MAK: variants seen among roughly 807,000 people sequenced by gnomAD.
MAK encodes male germ cell associated kinase, also known as serine/threonine-protein kinase MAK.
A neutral mutation model predicts 82.6 loss-of-function variants in MAK; 65 were observed. The observed-to-expected ratio is 0.79, with a 90% CI of 0.64 to 0.97. The LOEUF (loss-of-function observed/expected upper bound fraction) is 0.97. MAK is among the 50% of genes least tolerant of loss of function. The pLI, the probability that MAK is intolerant of heterozygous loss-of-function variation, is 0.00. For synonymous variants in MAK, 250 were observed against 274.2 expected (o/e 0.91, Z 0.87); for missense variants, 703 against 780.2 (o/e 0.90, Z 1.18).
At chr6:10,769,979 C>CA (rs966581271) in intron 14 of MAK, 132 bp downstream of exon 14, 1 of 1,543,300 alleles carries the variant, frequency 6.5e-7, no homozygotes, top group Non-Finnish European at 8.8e-7. Context: ...TCGGTAAAAA[C>CA]AAAAAGAAAT....
In MAK at chr6:10,764,557, A is replaced by G. The variant is rs1374242201; in HGVS notation, c.1842T>C (p.Thr614=). Residue 614 remains threonine (T), a synonymous_variant, in exon 15 of 15, where the codon ACT becomes ACC. Coordinates refer to ENST00000354489, the MANE Select transcript of MAK (RefSeq NM_001242957.3). The part of the protein sequence containing the change: ...KTGRGQFSGR[T]YNPTAKNLNI... ...TTAGGTTTTTTGCTGTAGGATTATAAGTACGTCCTGAAAACTGCCCCCGAC... is the reference window on the plus strand; with the variant it reads ...TTAGGTTTTTTGCTGTAGGATTATAGGTACGTCCTGAAAACTGCCCCCGAC... The G allele has an allele frequency of 1.2e-6, 2 of 1,614,090 alleles. No homozygotes were observed.
rs1772186526 is a variant in MAK, at chr6:10,764,241, C to T, written c.*211G>A. The T allele has an allele frequency of 1.8e-6, 1 of 569,030 alleles. No individual in the cohort carries two copies. The highest frequency in any genetic ancestry group is 3.1e-6 in the Non-Finnish European group (1 of 320,766). The allele number at this position is 569,030 out of a possible 1,614,324, so 35.2% of individuals were successfully genotyped here. On this transcript the variant is annotated 3_prime_UTR_variant, in exon 15 of 15. Transcript: ENST00000354489. ...TTATTCAATACTTTGTAACATCCTACCCATATATCAACACTGTGGGCAATG... is the reference window on the plus strand; with the variant it reads ...TTATTCAATACTTTGTAACATCCTATCCATATATCAACACTGTGGGCAATG...
chr6:10,769,970 C>A, intron 14 of MAK, 141 bp downstream of exon 14: 1 of 1,489,130 alleles, frequency 6.7e-7, no homozygotes, highest in Non-Finnish European at 9.1e-7. Flanking sequence ...TAGGACATTT[C>A]GGTAAAAACA....
chr6:10,789,518 TA>T (rs1774895699), intron 10 of MAK, among the ~76,000 whole-genome samples: 1 of 152,190 alleles, frequency 6.6e-6, no homozygotes, highest in Non-Finnish European at 1.5e-5. Flanking sequence ...CATCTTTTCC[TA>T]TATGTATGTG....
intron 2 of MAK, among the ~76,000 whole-genome samples, chr6:10,822,153 A>C (rs977408108): frequency 4.0e-5 from 6 of 149,000 alleles, no homozygotes; most frequent in Non-Finnish European, 8.9e-5. Flanking sequence ...TCTCAAAAAA[A>C]AAAAAAAAAA....
At chr6:10,791,904 C>G in intron 9 of MAK, 57 bp from the exon 10 acceptor site, 1 of 1,556,258 alleles carries the variant, frequency 6.4e-7, no homozygotes, top group East Asian at 2.2e-5. Flanking sequence ...GCCTTTCATG[C>G]ACAAGCTACT....
At chr6:10,827,416 C>CT (rs1186963255) in intron 2 of MAK, among the ~76,000 whole-genome samples, 1 of 152,074 alleles carries the variant, frequency 6.6e-6, no homozygotes, top group Non-Finnish European at 1.5e-5. Context: ...CAAATGTGGG[C>CT]TATTTCAGCT....
chr6:10,797,069 T>C (rs551194289), intron 8 of MAK, among the ~76,000 whole-genome samples: 1 of 152,242 alleles, frequency 6.6e-6, no homozygotes, highest in Non-Finnish European at 1.5e-5. Context: ...ACCAGAGCTG[T>C]ATGTAAAATT....
At chr6:10,792,693 A>G (rs1218151211) in intron 9 of MAK, among the ~76,000 whole-genome samples, 3 of 152,168 alleles carry the variant, frequency 2.0e-5, no homozygotes, top group Non-Finnish European at 4.4e-5. Flanking sequence ...GAGCATGGAA[A>G]ATTTTCAGAA....
chr6:10,771,058 G>A (rs1772971432), intron 13 of MAK, among the ~76,000 whole-genome samples: 2 of 152,098 alleles, frequency 1.3e-5, no homozygotes, highest in Admixed American at 6.5e-5. Flanking sequence ...CAGGATTGGG[G>A]GAAAGACATG....
intron 2 of MAK, among the ~76,000 whole-genome samples, chr6:10,826,033 A>C (rs1391115679): frequency 6.6e-6 from 1 of 151,956 alleles, no homozygotes; most frequent in African/African-American, 2.4e-5. Context: ...ATCCTTCATG[A>C]CCTTCTAGTC....
chr6:10,825,502 G>A (rs967326045), intron 2 of MAK, among the ~76,000 whole-genome samples: 2 of 151,762 alleles, frequency 1.3e-5, no homozygotes, highest in African/African-American at 4.8e-5. Context: ...TCCCTCTAAA[G>A]AGTTTCAATT....
chr6:10,813,134 AAATTT>A (rs1777174333), intron 5 of MAK, among the ~76,000 whole-genome samples: 11 of 724 alleles, frequency 0.015, no homozygotes, highest in African/African-American at 0.027. Flanking sequence ...ATATATATAT[AAATTT>A]TTTTTTTTTT....
In MAK at chr6:10,775,322, C is replaced by T. The variant is rs764077560; in HGVS notation, c.1597+6G>A. ...CGTACATGTACATTTTGTATTCTTG[C>T]GTTACCTGCATTGCTCCTTTTGAAA... is the stretch of plus-strand genomic sequence containing the variant. On this transcript the variant is annotated splice_donor_region_variant and intron_variant, in intron 12 of 14. Transcript: ENST00000354489. 1.5e-5 allele frequency: 24 copies of T among 1,612,266 alleles called. No homozygotes were observed. The highest frequency in any genetic ancestry group is 1.6e-4 in the Middle Eastern group (1 of 6,078).
chr6:10,819,447 T>G (rs781426019), intron 2 of MAK, among the ~76,000 whole-genome samples: 1 of 151,522 alleles, frequency 6.6e-6, no homozygotes, highest in African/African-American at 2.4e-5. Context: ...CTGGCTAACA[T>G]GGTGAAACCC....
intron 2 of MAK, among the ~76,000 whole-genome samples, chr6:10,820,119 A>AC (rs1581754236): frequency 1.3e-5 from 2 of 152,130 alleles, no homozygotes; most frequent in East Asian, 3.8e-4. Context: ...CTCAAAAAAA[A>AC]AAATTTAAAA....
At chr6:10,795,464 C>T (rs1217703327) in intron 9 of MAK, among the ~76,000 whole-genome samples, 1 of 150,554 alleles carries the variant, frequency 6.6e-6, no homozygotes, top group Non-Finnish European at 1.5e-5. Context: ...AAGAAAAGCC[C>T]AGGTGCAGTG....
intron 1 of MAK, among the ~76,000 whole-genome samples, chr6:10,832,152 A>T (rs1232288255): frequency 6.6e-6 from 1 of 152,068 alleles, no homozygotes; most frequent in African/African-American, 2.4e-5. Context: ...CACCTGGCTA[A>T]TTTTTGTATT....
At position 10,800,959 on chromosome 6, in the gene MAK, G is replaced by A. The variant is rs138939266; in HGVS notation, c.831+933C>T. Among the ~76,000 whole-genome samples, 327 of 152,188 alleles carry A rather than the reference G, an allele frequency of 2.1e-3. No individual in the cohort carries two copies. Among genetic ancestry groups the A allele is most frequent in the African/African-American group, 7.5e-3 (313 of 41,488 alleles). ...TTTTCCCAGTATCACCCACTGAGCC[G>A]TCCTCCCCTCTTTGTGATGCCACGT... is the stretch of plus-strand genomic sequence containing the variant. On this transcript the variant is annotated intron_variant, in intron 8 of 14. Transcript: ENST00000354489. The surrounding 1 kb of genome is among the most constrained non-coding windows in gnomAD (Gnocchi z 4.2).
Sources: allele counts gnomAD v4.1 joint callset (sites outside exome capture counted in the v4.1 genomes callset), GRCh38; gene constraint gnomAD v4.1.1; non-coding constraint Gnocchi (gnomAD v3.1); transcripts MANE v1.5; gene names NCBI Gene and HGNC (gene_info 2026-07-23, HGNC 2026-07-21).